Variants in JMJD1C observed in about 807,000 individuals in gnomAD.
JMJD1C encodes jumonji domain-containing protein 1C.
JMJD1C carries 31 observed loss-of-function variants against 245.3 expected under a neutral mutation model. That is an observed-to-expected ratio of 0.13 (90% CI 0.09 to 0.17). The LOEUF is 0.17. Among genes scored for constraint, JMJD1C ranks in the 10% least tolerant of loss-of-function variants. The probability of loss-of-function intolerance (pLI) is 1.00; values close to 1 mark genes in which losing one functional copy is unlikely to be tolerated. For synonymous variants in JMJD1C, 1,057 were observed against 1,017.4 expected, an observed-to-expected ratio of 1.04 and a Z score of -0.74; for missense variants, 2,691 against 3,000.2, an observed-to-expected ratio of 0.90 and a Z score of 2.41.
At chr10:63,312,660 A>C (rs980501827) in intron 2 of JMJD1C, among the ~76,000 whole-genome samples, 7 of 152,178 alleles carry the variant, frequency 4.6e-5, no homozygotes, top group African/African-American at 1.7e-4. Context: ...AATTTAGTAA[A>C]AAGTTTTCCA....
At chr10:63,437,389 T>A (rs1951117124) in intron 1 of JMJD1C, among the ~76,000 whole-genome samples, 1 of 152,184 alleles carries the variant, frequency 6.6e-6, no homozygotes, top group Non-Finnish European at 1.5e-5. Context: ...TACCTCTCTC[T>A]CACTACCTAG....
At chr10:63,226,410 G>A (rs970021356) in intron 3 of JMJD1C, among the ~76,000 whole-genome samples, 4 of 151,870 alleles carry the variant, frequency 2.6e-5, no homozygotes, top group South Asian at 2.1e-4. Context: ...ATTTTTTCAC[G>A]TGTACAGGAG....
At chr10:63,203,715 A>G in intron 10 of JMJD1C, 1 of 983,244 alleles carries the variant, frequency 1.0e-6, no homozygotes. Flanking sequence ...ATTCCAAAAG[A>G]GTAGATAAGA....
intron 1 of JMJD1C, among the ~76,000 whole-genome samples, chr10:63,431,067 A>T (rs1211299887): frequency 6.6e-6 from 1 of 152,226 alleles, no homozygotes; most frequent in Non-Finnish European, 1.5e-5. Flanking sequence ...CACCTACATT[A>T]GATGACAATA....
chr10:63,493,502 A>T (rs1954248188), intron 1 of JMJD1C, among the ~76,000 whole-genome samples: 3 of 152,008 alleles, frequency 2.0e-5, no homozygotes, highest in Non-Finnish European at 2.9e-5. Flanking sequence ...GGCTAGTCTC[A>T]AACTCCTGAC....
intron 1 of JMJD1C, among the ~76,000 whole-genome samples, chr10:63,400,376 C>G (rs1034388674): frequency 1.3e-5 from 2 of 152,156 alleles, no homozygotes; most frequent in Admixed American, 1.3e-4. Flanking sequence ...GTCCATTCCT[C>G]TCCTCTAGAG....
chr10:63,359,719 A>C (rs1945162614), intron 2 of JMJD1C, among the ~76,000 whole-genome samples: 1 of 151,930 alleles, frequency 6.6e-6, no homozygotes, highest in African/African-American at 2.4e-5. Context: ...ATTTTATCAG[A>C]GTTACTAATG....
At chr10:63,432,671 T>C (rs10761767) in intron 1 of JMJD1C, among the ~76,000 whole-genome samples, 100,401 of 152,188 alleles carry the variant, frequency 0.66, 36,062 homozygotes, top group Non-Finnish European at 0.81. Flanking sequence ...ATCTATTTTG[T>C]TTAACCACTG....
At chr10:63,205,049 A>G in intron 10 of JMJD1C, 1 of 981,968 alleles carries the variant, frequency 1.0e-6, no homozygotes, top group South Asian at 4.7e-5. Flanking sequence ...AGAAATAAGC[A>G]AACTGAGAAA....
intron 1 of JMJD1C, among the ~76,000 whole-genome samples, chr10:63,428,691 A>C (rs531722434): frequency 1.3e-5 from 2 of 152,338 alleles, no homozygotes; most frequent in South Asian, 4.1e-4. Flanking sequence ...ATTAAGAACA[A>C]TGAAAAAAAG....
intron 3 of JMJD1C, among the ~76,000 whole-genome samples, chr10:63,239,419 A>G (rs1851205682): frequency 6.6e-6 from 1 of 152,140 alleles, no homozygotes; most frequent in African/African-American, 2.4e-5. Flanking sequence ...ATGTAAGGGC[A>G]AGAGAGAGAC....
chr10:63,444,797 T>C (rs913392966), intron 1 of JMJD1C, among the ~76,000 whole-genome samples: 1 of 152,170 alleles, frequency 6.6e-6, no homozygotes, highest in Admixed American at 6.5e-5. Flanking sequence ...AGCTAATTTT[T>C]TTGTGAATAC....
Position 63,215,687 on chromosome 10 carries a change from G to C in JMJD1C, c.688C>G (p.Pro230Ala). The change falls in exon 6 of 26, where the codon CCA becomes GCA. Residue 230 changes from proline (P) to alanine (A), a missense_variant. By Grantham distance (27) the Pro-to-Ala change is conservative (BLOSUM62 -1). Around this residue, in one of 9 missense-constraint regions of JMJD1C, gnomAD observed 172 missense variants for 240.8 expected, o/e 0.71. Coordinates refer to ENST00000399262, the MANE Select transcript of JMJD1C (RefSeq NM_032776.3). The stretch of plus-strand genomic sequence containing the variant: ...ACCATAGAAGGATCGACATTCTGTG[G>C]TTCTAGTACCTAATCCATGATACAA... ...MIVMNDQVLE[P>A]QNVDPSMVQM... The C allele has an allele frequency of 6.4e-7, 1 of 1,571,372 alleles. No individual in the cohort carries two copies. The highest frequency in any genetic ancestry group is 1.4e-5 in the African/African-American group (1 of 73,604).
chr10:63,436,211 G>C (rs1951051835), intron 1 of JMJD1C, among the ~76,000 whole-genome samples: 1 of 152,152 alleles, frequency 6.6e-6, no homozygotes, highest in Non-Finnish European at 1.5e-5. Flanking sequence ...ACAAGTTTCT[G>C]TTCTGTTTCA....
chr10:63,399,142 G>A (rs935992876), intron 1 of JMJD1C, among the ~76,000 whole-genome samples: 19 of 152,136 alleles, frequency 1.2e-4, no homozygotes, highest in Admixed American at 6.5e-5. Context: ...AATGTGATAC[G>A]TATCAAATCA....
chr10:63,344,513 A>G (rs1367654495), intron 2 of JMJD1C, among the ~76,000 whole-genome samples: 1 of 152,182 alleles, frequency 6.6e-6, no homozygotes, highest in Non-Finnish European at 1.5e-5. Flanking sequence ...AGAGAACTGA[A>G]AAAAACCTTT....
At chr10:63,444,981 C>G (rs1218988348) in intron 1 of JMJD1C, among the ~76,000 whole-genome samples, 2 of 152,104 alleles carry the variant, frequency 1.3e-5, no homozygotes, top group Admixed American at 1.3e-4. Flanking sequence ...AATCCCATCA[C>G]TTTGGGAAGC....
At chr10:63,210,060 A>G (rs1847139196) in intron 8 of JMJD1C, among the ~76,000 whole-genome samples, 1 of 152,204 alleles carries the variant, frequency 6.6e-6, no homozygotes, top group Admixed American at 6.5e-5. Flanking sequence ...ATAATGCAAA[A>G]GCAGTATGTC....
chr10:63,191,162 C>CAAAACAA, intron 16 of JMJD1C, 54 bp from the exon 17 acceptor site: 1 of 1,437,836 alleles, frequency 7.0e-7, no homozygotes, highest in Non-Finnish European at 9.7e-7. Context: ...GACGGAGTCT[C>CAAAACAA]ATTCTGTCGC....
Sources: allele counts gnomAD v4.1 joint callset (sites outside exome capture counted in the v4.1 genomes callset), GRCh38; gene constraint gnomAD v4.1.1; regional missense constraint gnomAD v4.1.1; transcripts MANE v1.5; gene names NCBI Gene and HGNC (gene_info 2026-07-23, HGNC 2026-07-21).